The following DNMT3L variants were observed in gnomAD, a reference collection of about 807,000 sequenced individuals.
DNMT3L encodes the protein DNA methyltransferase 3 like.
Under a neutral mutation model 36.2 loss-of-function variants are expected in DNMT3L, and 33 were observed. That is an observed-to-expected ratio of 0.91 (90% CI 0.69 to 1.22). DNMT3L has a LOEUF of 1.22. Among genes scored for constraint, DNMT3L ranks in the 50% most tolerant of loss-of-function variants. The probability of loss-of-function intolerance (pLI) is 0.00; values close to 1 mark genes in which losing one functional copy is unlikely to be tolerated. For synonymous variants in DNMT3L, 117 were observed against 121.7 expected, an observed-to-expected ratio of 0.96 and a Z score of 0.26; for missense variants, 310 against 303.1, an observed-to-expected ratio of 1.02 and a Z score of -0.17.
intron 6 of DNMT3L, 69 bp from the exon 7 acceptor site, chr21:44,256,223 G>A: frequency 2.6e-6 from 4 of 1,524,694 alleles, no homozygotes; most frequent in Non-Finnish European, 3.6e-6. Flanking sequence ...GAGTTACAAT[G>A]AAAATTCTTC....
intron 5 of DNMT3L, 139 bp downstream of exon 5, chr21:44,259,298 G>A (rs141724382): frequency 3.5e-6 from 3 of 851,502 alleles, no homozygotes; most frequent in East Asian, 2.7e-5. Flanking sequence ...GCCAAATGAC[G>A]CATTGGAGAC....
At chr21:44,253,321 C>G (rs1421042624) in intron 8 of DNMT3L, among the ~76,000 whole-genome samples, 1 of 127,192 alleles carries the variant, frequency 7.9e-6, no homozygotes, top group Non-Finnish European at 1.6e-5. Flanking sequence ...AACAATCTTG[C>G]CTGAACACAT....
rs765553737 is a variant in DNMT3L at position 44,259,438 on chromosome 21, G to C, written c.343C>G (p.Arg115Gly). 11 of 1,613,504 alleles carry C rather than the reference G, an allele frequency of 6.8e-6. No homozygotes were observed. The East Asian group carries it at 1.3e-4, about 20-fold the overall frequency. ...LLICGNPDCT[R>G]CYCFECVDSL... is the part of the protein sequence containing the mutation. ...CCCTGGGCAGGCCCCTCGCCTCACC[G>C]GGTGCAATCAGGGTTTCCGCAGATG... Residue 115 changes from arginine (R) to glycine (G), a missense_variant and splice_region_variant, in exon 5 of 12, where the codon CGA becomes GGA. Physicochemically the swap from Arg to Gly is moderately radical, Grantham distance 125. Transcript: ENST00000628202.
chr21:44,261,775 G>A lies in DNMT3L; in HGVS notation c.-43C>T, dbSNP rs2040321975. On this transcript the variant is annotated 5_prime_UTR_variant, in exon 1 of 12. Transcript: ENST00000628202. Reference sequence around the variant, plus strand: ...CCACGGCTCCGGGTACAGCCAGCTGGTGGGTTCAAGGTTCCAGTGGTCCGG... The same window carrying A: ...CCACGGCTCCGGGTACAGCCAGCTGATGGGTTCAAGGTTCCAGTGGTCCGG... 1 of 155,396 alleles carries A rather than the reference G, an allele frequency of 6.4e-6. No homozygotes were observed. The highest frequency in any genetic ancestry group is 1.4e-5 in the Non-Finnish European group (1 of 70,090). 9.6% of individuals were successfully genotyped at this position (155,396 alleles called of 1,614,324 possible).
chr21:44,260,720 A>C, intron 3 of DNMT3L, 75 bp downstream of exon 3: 1 of 1,591,280 alleles, frequency 6.3e-7, no homozygotes. Flanking sequence ...GGTCTCCCAA[A>C]GTGCTGGGAT....
At chr21:44,256,528 G>A (rs949451331) in intron 6 of DNMT3L, among the ~76,000 whole-genome samples, 20 of 150,354 alleles carry the variant, frequency 1.3e-4, no homozygotes, top group African/African-American at 4.7e-4. Flanking sequence ...GGGTTCAAGC[G>A]ATTCTCCTGC....
At chr21:44,260,186 C>T (rs546632429) in intron 3 of DNMT3L, among the ~76,000 whole-genome samples, 10 of 151,892 alleles carry the variant, frequency 6.6e-5, no homozygotes, top group East Asian at 5.8e-4. Context: ...TAAATTCATA[C>T]GGAAATGCAA....
chr21:44,258,121 A>T lies in DNMT3L; in HGVS notation c.516+402T>A, dbSNP rs1384338939. Among the ~76,000 whole-genome samples the T allele has an allele frequency of 2.6e-5, 4 of 152,190 alleles. No individual in the cohort carries two copies. The highest frequency in any genetic ancestry group is 4.4e-5 in the Non-Finnish European group (3 of 68,028). Reference sequence around the variant, plus strand: ...AGACTTGGATGTCCCTCTCAGAGGGACAAAATTCCACCTTCTCTGCCTTTG... The same window carrying T: ...AGACTTGGATGTCCCTCTCAGAGGGTCAAAATTCCACCTTCTCTGCCTTTG... On this transcript the variant is annotated intron_variant, in intron 6 of 11. Coordinates refer to ENST00000628202, the MANE Select transcript of DNMT3L (RefSeq NM_175867.3). This position sits in a 1 kb window ranked among gnomAD's most constrained non-coding sequence, Gnocchi z 6.2.
Position 44,258,273 on chromosome 21 carries a change from C to T in DNMT3L, c.516+250G>A, listed in dbSNP as rs1049805329. On this transcript the variant is annotated intron_variant, in intron 6 of 11. Transcript: ENST00000628202. This position sits in a 1 kb window ranked among gnomAD's most constrained non-coding sequence, Gnocchi z 6.2. The stretch of plus-strand genomic sequence containing the variant: ...TTGAGACGTGCCAGCCACCCTCTCC[C>T]GGCCCCTCTCCCATCTGCTACCAGG... Among the ~76,000 whole-genome samples, 8 of 152,170 alleles carry T rather than the reference C, an allele frequency of 5.3e-5. No homozygotes were observed. The highest frequency in any genetic ancestry group is 2.1e-4 in the South Asian group (1 of 4,830).
In DNMT3L at chr21:44,256,620, A is replaced by C. The variant is rs1028004895; in HGVS notation, c.517-466T>G. 2.0e-5 allele frequency among the ~76,000 whole-genome samples: 3 copies of C among 151,050 alleles called. No individual in the cohort carries two copies. The East Asian group carries it at 5.8e-4, about 29-fold the overall frequency. On this transcript the variant is annotated intron_variant, in intron 6 of 11. Transcript: ENST00000628202. The stretch of plus-strand genomic sequence containing the variant: ...TTGTATTTTTAGTAGAGACAGTTTC[A>C]CCATATTGGCCAGGCTGGTCTTGCT...
chr21:44,255,505 C>CAAAA (rs375122043), intron 7 of DNMT3L, among the ~76,000 whole-genome samples: 10,951 of 145,750 alleles, frequency 0.075, 882 homozygotes, highest in East Asian at 0.28. Flanking sequence ...GACTCCGCCT[C>CAAAA]AAAAAAAAAA....
intron 1 of DNMT3L, 76 bp downstream of exon 1, chr21:44,261,664 C>T: frequency 1.1e-5 from 2 of 181,262 alleles, no homozygotes; most frequent in Non-Finnish European, 2.3e-5. Context: ...TCAGGCCCAG[C>T]AGGGACCCCT....
chr21:44,255,139 T>G (rs1027660644), intron 7 of DNMT3L, among the ~76,000 whole-genome samples: 1 of 152,176 alleles, frequency 6.6e-6, no homozygotes, highest in Non-Finnish European at 1.5e-5. Flanking sequence ...AACTTTATCT[T>G]TTTAATGACG....
Position 44,258,848 on chromosome 21 carries a change from G to A in DNMT3L, c.345-154C>T, listed in dbSNP as rs1013206140. Among the ~76,000 whole-genome samples the A allele has an allele frequency of 1.3e-5, 2 of 152,148 alleles. No individual in the cohort carries two copies. The highest frequency in any genetic ancestry group is 2.4e-5 in the African/African-American group (1 of 41,406). On this transcript the variant is annotated intron_variant, in intron 5 of 11. Transcript: ENST00000628202. The surrounding 1 kb of genome is among the most constrained non-coding windows in gnomAD (Gnocchi z 6.2). ...GGTGGTGGACTGGGAAGAGGGAGAC[G>A]GTCCTTCCTAGAGACGCAGAGTGAC...
intron 7 of DNMT3L, 137 bp downstream of exon 7, chr21:44,255,930 G>C: frequency 1.2e-6 from 1 of 843,368 alleles, no homozygotes; most frequent in Admixed American, 2.2e-5. Flanking sequence ...CATGGGCCCA[G>C]GGTGGGGAAG....
Position 44,258,480 on chromosome 21 carries a change from G to C in DNMT3L, c.516+43C>G, listed in dbSNP as rs1182059295. 6.6e-7 allele frequency: 1 copy of C among 1,510,478 alleles called. No individual in the cohort carries two copies. Among genetic ancestry groups the C allele is most frequent in the South Asian group, 1.3e-5 (1 of 78,752 alleles). 93.6% of individuals were successfully genotyped at this position (1,510,478 alleles called of 1,614,324 possible). ...GGAACCGAGGGAAGGCCGTAAGTCAGGGCCTGCTGCTGCCGGGTGCTGCCC... is the reference window on the plus strand; with the variant it reads ...GGAACCGAGGGAAGGCCGTAAGTCACGGCCTGCTGCTGCCGGGTGCTGCCC... On this transcript the variant is annotated intron_variant, in intron 6 of 11. Coordinates refer to ENST00000628202, the MANE Select transcript of DNMT3L (RefSeq NM_175867.3). The surrounding 1 kb of genome is among the most constrained non-coding windows in gnomAD (Gnocchi z 6.2).
intron 7 of DNMT3L, among the ~76,000 whole-genome samples, chr21:44,255,148 C>T (rs1025603845): frequency 2.0e-5 from 3 of 152,052 alleles, no homozygotes; most frequent in Admixed American, 6.6e-5. Flanking sequence ...TTTTTAATGA[C>T]GTGGCAGGAG....
At chr21:44,255,125 G>A (rs1475614002) in intron 7 of DNMT3L, among the ~76,000 whole-genome samples, 2 of 151,436 alleles carry the variant, frequency 1.3e-5, no homozygotes, top group Non-Finnish European at 2.9e-5. Flanking sequence ...ACTGCACCCC[G>A]CCCAACTTTA....
In DNMT3L at chr21:44,258,471, C is replaced by T. The variant is rs1450042796; in HGVS notation, c.516+52G>A. 7 of 1,495,052 alleles carry T rather than the reference C, an allele frequency of 4.7e-6. No individual in the cohort carries two copies. The highest frequency in any genetic ancestry group is 2.8e-5 in the African/African-American group (2 of 71,730). 92.6% of individuals were successfully genotyped at this position (1,495,052 alleles called of 1,614,324 possible). ...TCTGCAGCGGGAACCGAGGGAAGGC[C>T]GTAAGTCAGGGCCTGCTGCTGCCGG... On this transcript the variant is annotated intron_variant, in intron 6 of 11. Transcript: ENST00000628202. The surrounding 1 kb of genome is among the most constrained non-coding windows in gnomAD (Gnocchi z 6.2).
Sources: allele counts gnomAD v4.1 joint callset (sites outside exome capture counted in the v4.1 genomes callset), GRCh38; gene constraint gnomAD v4.1.1; non-coding constraint Gnocchi (gnomAD v3.1); transcripts MANE v1.5; gene names NCBI Gene and HGNC (gene_info 2026-07-23, HGNC 2026-07-21).